Variants in ASCC3 observed in about 807,000 individuals in gnomAD.
ASCC3 encodes the protein activating signal cointegrator 1 complex subunit 3, also known as ASC-1 complex subunit P200.
A neutral mutation model predicts 256.3 loss-of-function variants in ASCC3; 158 were observed. The observed-to-expected ratio is 0.62, with a 90% CI of 0.54 to 0.70. The LOEUF (loss-of-function observed/expected upper bound fraction) is 0.70, where lower values mean the gene tolerates loss of function less well. Among genes scored for constraint, ASCC3 ranks in the 30% least tolerant of loss-of-function variants. The probability of loss-of-function intolerance (pLI) is 0.00; values close to 1 mark genes in which losing one functional copy is unlikely to be tolerated. For synonymous variants in ASCC3, 948 were observed against 883.4 expected, an observed-to-expected ratio of 1.07 and a Z score of -1.30; for missense variants, 2,259 against 2,626.0, an observed-to-expected ratio of 0.86 and a Z score of 3.05.
intron 25 of ASCC3, among the ~76,000 whole-genome samples, chr6:100,636,093 A>G (rs1400935285): frequency 6.6e-6 from 1 of 152,200 alleles, no homozygotes; most frequent in East Asian, 1.9e-4. Context: ...AAATTATCCT[A>G]ATATGGGCAT....
intron 13 of ASCC3, among the ~76,000 whole-genome samples, chr6:100,698,388 G>C (rs1281920960): frequency 6.6e-6 from 1 of 151,990 alleles, no homozygotes; most frequent in African/African-American, 2.4e-5. Context: ...ATAATGGAGT[G>C]CTCTTATGAT....
At chr6:100,520,887 T>C (rs544407594) in intron 37 of ASCC3, among the ~76,000 whole-genome samples, 2 of 152,288 alleles carry the variant, frequency 1.3e-5, no homozygotes, top group East Asian at 3.9e-4. Context: ...TGACAGTATT[T>C]TTCCTGTGCC....
intron 1 of ASCC3, among the ~76,000 whole-genome samples, chr6:100,871,936 C>T (rs1177305418): frequency 6.6e-6 from 1 of 152,114 alleles, no homozygotes; most frequent in Non-Finnish European, 1.5e-5. Context: ...ACATGTCATC[C>T]ATAGAGAGGA....
intron 36 of ASCC3, among the ~76,000 whole-genome samples, chr6:100,579,189 T>TG (rs1771054838): frequency 1.3e-5 from 2 of 151,408 alleles, no homozygotes; most frequent in South Asian, 4.2e-4. Context: ...GTTGTTTGTT[T>TG]TTTTTTTTTT....
chr6:100,858,473 T>C, intron 3 of ASCC3: 4 of 653,826 alleles, frequency 6.1e-6, no homozygotes, highest in Non-Finnish European at 7.6e-6. Flanking sequence ...GCTTATCAGA[T>C]TAACAAAATC....
At chr6:100,616,981 TTTG>T (rs1773693722) in intron 30 of ASCC3, among the ~76,000 whole-genome samples, 1 of 151,730 alleles carries the variant, frequency 6.6e-6, no homozygotes, top group Non-Finnish European at 1.5e-5. Context: ...TTCTGAACTT[TTTG>T]TTGTTGTCGT....
intron 4 of ASCC3, among the ~76,000 whole-genome samples, chr6:100,831,975 T>C (rs563084714): frequency 4.6e-5 from 7 of 152,120 alleles, no homozygotes; most frequent in African/African-American, 1.4e-4. Flanking sequence ...GATAATTCTG[T>C]GGAAATAGTA....
chr6:100,586,040 C>T (rs1771649093), intron 36 of ASCC3, among the ~76,000 whole-genome samples: 1 of 152,162 alleles, frequency 6.6e-6, no homozygotes, highest in South Asian at 2.1e-4. Context: ...GGTCAGGGAC[C>T]CACTTGAGGA....
intron 36 of ASCC3, among the ~76,000 whole-genome samples, chr6:100,580,906 A>G (rs1394913295): frequency 6.6e-6 from 1 of 152,128 alleles, no homozygotes; most frequent in African/African-American, 2.4e-5. Context: ...TACAAAGGAC[A>G]TGAACTCATC....
intron 14 of ASCC3, among the ~76,000 whole-genome samples, chr6:100,662,792 A>T (rs114522609): frequency 5.3e-5 from 8 of 152,068 alleles, no homozygotes. Flanking sequence ...TTTCATCCAG[A>T]TGTCCCTTTT....
chr6:100,652,658 A>AT (rs1159349838), intron 18 of ASCC3, 67 bp downstream of exon 18: 1 of 1,462,968 alleles, frequency 6.8e-7, no homozygotes, highest in African/African-American at 1.4e-5. Context: ...TTTTACATTA[A>AT]TAATATATTT....
intron 10 of ASCC3, among the ~76,000 whole-genome samples, chr6:100,743,026 G>C (rs967608200): frequency 6.6e-6 from 1 of 152,214 alleles, no homozygotes; most frequent in Admixed American, 6.5e-5. Context: ...CTGAGTGGCT[G>C]CTCTGCCAAG....
intron 36 of ASCC3, among the ~76,000 whole-genome samples, chr6:100,545,173 T>C (rs1481537806): frequency 2.0e-5 from 3 of 151,804 alleles, no homozygotes; most frequent in Admixed American, 6.5e-5. Flanking sequence ...TAAATGGCAC[T>C]TCTTTTTTTG....
At chr6:100,538,569 C>T (rs1775282337) in intron 37 of ASCC3, among the ~76,000 whole-genome samples, 1 of 151,928 alleles carries the variant, frequency 6.6e-6, no homozygotes, top group Non-Finnish European at 1.5e-5. Context: ...AAAAATCACC[C>T]CAATTCCTGC....
At chr6:100,805,140 T>C (rs1476266399) in intron 5 of ASCC3, among the ~76,000 whole-genome samples, 1 of 152,138 alleles carries the variant, frequency 6.6e-6, no homozygotes, top group Non-Finnish European at 1.5e-5. Flanking sequence ...ACTTACTACA[T>C]AACAGCTGTC....
rs1293276171 is a variant in ASCC3 at position 100,605,681 on chromosome 6, C to T, written c.5064G>A (p.Gly1688=). Residue 1688 remains glycine, a synonymous_variant, in exon 33 of 42, where the codon GGG becomes GGA. Coordinates refer to ENST00000369162, the MANE Select transcript of ASCC3 (RefSeq NM_006828.4). ...FPITDVLQMM[G]RAGRPQFDDQ... is the part of the protein sequence containing the mutation. ...CATCGAACTGCGGCCTCCCAGCACG[C>T]CCCATCATCTGGAGGACATCTTTAA... The T allele has an allele frequency of 3.1e-6, 5 of 1,613,416 alleles. No homozygotes were observed. Among genetic ancestry groups the T allele is most frequent in the Non-Finnish European group, 4.2e-6 (5 of 1,179,592 alleles).
chr6:100,765,664 G>A (rs1434684991), intron 10 of ASCC3, among the ~76,000 whole-genome samples: 1 of 152,126 alleles, frequency 6.6e-6, no homozygotes, highest in Non-Finnish European at 1.5e-5. Context: ...CAATCACATT[G>A]AGCACATGTC....
rs766420326 is a variant in ASCC3 at position 100,638,832 on chromosome 6, C to G, written c.3902-11G>C. 6.2e-7 allele frequency: 1 copy of G among 1,608,652 alleles called. No individual in the cohort carries two copies. Among genetic ancestry groups the G allele is most frequent in the East Asian group, 2.2e-5 (1 of 44,814 alleles). On this transcript the variant is annotated splice_polypyrimidine_tract_variant and intron_variant, in intron 24 of 41. Coordinates refer to ENST00000369162, the MANE Select transcript of ASCC3 (RefSeq NM_006828.4). ...GAAGATCCAGTAATTCTGAAAAGAC[C>G]CAACAGGATGGCTATACGACAATTG... is the stretch of plus-strand genomic sequence containing the variant.
chr6:100,555,937 A>T (rs1255197397), intron 36 of ASCC3, among the ~76,000 whole-genome samples: 1 of 152,158 alleles, frequency 6.6e-6, no homozygotes, highest in Non-Finnish European at 1.5e-5. Flanking sequence ...TGGAGGCTAC[A>T]ATGAGCCGAG....
Sources: allele counts gnomAD v4.1 joint callset (sites outside exome capture counted in the v4.1 genomes callset), GRCh38; gene constraint gnomAD v4.1.1; transcripts MANE v1.5; gene names NCBI Gene and HGNC (gene_info 2026-07-23, HGNC 2026-07-21).